EOLA2: variants seen among roughly 807,000 people sequenced by gnomAD.
EOLA2 encodes protein EOLA2.
In EOLA2, 3 loss-of-function variants were observed where a neutral mutation model predicts 4.1. That is an observed-to-expected ratio of 0.73 (90% CI 0.33 to 1.89). The LOEUF (loss-of-function observed/expected upper bound fraction) is 1.89. Ranked by LOEUF, EOLA2 falls within the 40% of genes most tolerant of loss-of-function variation. The pLI is 0.08. For missense variants in EOLA2, 109 were observed against 126.4 expected (o/e 0.86, Z 0.66); for synonymous variants, 52 against 51.7 (o/e 1.01, Z -0.03).
intron 1 of EOLA2, 183 bp downstream of exon 1, chrX:149,938,010 G>A (rs782397684): frequency 1.8e-5 from 2 of 113,002 alleles, no homozygotes; most frequent in Admixed American, 1.8e-4. Flanking sequence ...CGCAGGTCGC[G>A]GGTACACGCG....
At chrX:149,937,393 G>A in intron 2 of EOLA2, 40 bp downstream of exon 2, 5 of 565,370 alleles carry the variant, frequency 8.8e-6, no homozygotes, top group Non-Finnish European at 1.1e-5. Context: ...AAGGCAAGAA[G>A]GGGGTTGAGT....
chrX:149,932,424 C>A lies in EOLA2; in HGVS notation c.*120G>T. On this transcript the variant is annotated 3_prime_UTR_variant, in exon 5 of 5. Transcript: ENST00000370406. ...CACAGTGCTTAGTGGGTGGGACTCT[C>A]CAAAGCAGTGGAAATTCATCTTTAA... 1.7e-6 allele frequency: 2 copies of A among 1,144,220 alleles called. No homozygotes were observed. Among genetic ancestry groups the A allele is most frequent in the Non-Finnish European group, 2.3e-6 (2 of 860,502 alleles). 94.3% of individuals were successfully genotyped at this position (1,144,220 alleles called of 1,213,427 possible).
Position 149,932,391 on chromosome X carries a change from T to C in EOLA2, c.*153A>G. The C allele has an allele frequency of 9.2e-7, 1 of 1,086,561 alleles. No homozygotes were observed. Among genetic ancestry groups the C allele is most frequent in the Non-Finnish European group, 1.2e-6 (1 of 833,059 alleles). The allele number at this position is 1,086,561 out of a possible 1,213,427, so 89.5% of individuals were successfully genotyped here. On this transcript the variant is annotated 3_prime_UTR_variant, in exon 5 of 5. Coordinates refer to ENST00000370406, the MANE Select transcript of EOLA2 (RefSeq NM_001013845.2). ...TCCTTCATCTGAGCAAAGGAACCTGTTTACATGCACAGTGCTTAGTGGGTG... is the reference window on the plus strand; with the variant it reads ...TCCTTCATCTGAGCAAAGGAACCTGCTTACATGCACAGTGCTTAGTGGGTG...
chrX:149,937,220 T>TC (rs2091019369), intron 2 of EOLA2, among the ~76,000 whole-genome samples: 1 of 112,146 alleles, frequency 8.9e-6, no homozygotes, highest in Non-Finnish European at 1.9e-5. Context: ...AGGCTGAATG[T>TC]CCCCCACAGG....
chrX:149,931,273 C>T (rs2090869759), downstream of EOLA2: 1 of 365,108 alleles, frequency 2.7e-6, no homozygotes, highest in African/African-American at 2.7e-5. Context: ...AAATAATAAA[C>T]AATTTAAATG....
At chrX:149,934,740 G>A (rs1557375530) in intron 2 of EOLA2, among the ~76,000 whole-genome samples, 1 of 112,388 alleles carries the variant, frequency 8.9e-6, no homozygotes, top group Admixed American at 9.3e-5. Context: ...AGGAGAATGA[G>A]GCACCAGCCC....
At position 149,938,186 on chromosome X, in the gene EOLA2, C is replaced by T. The variant is rs2091050817; in HGVS notation, c.-211+7G>A. On this transcript the variant is annotated splice_region_variant and intron_variant, in intron 1 of 4. Transcript: ENST00000370406. ...CACACGGGCTCCGGCATCAGGGGCC[C>T]TGGTACCTTTCAGCCGCGGCCGGTC... 1 of 113,427 alleles carries T rather than the reference C, an allele frequency of 8.8e-6. No homozygotes were observed. The allele number at this position is 113,427 out of a possible 1,213,427, so 9.3% of individuals were successfully genotyped here. A position where few individuals can be genotyped will look rare whatever the true frequency, so the allele number is the denominator to read the frequency against.
rs1359511710 is a variant in EOLA2, at chrX:149,934,059, A to G, written c.-84T>C. The G allele has an allele frequency of 2.7e-5, 29 of 1,084,921 alleles. No homozygotes were observed. The East Asian group carries it at 5.0e-4, about 19-fold the overall frequency. The allele number at this position is 1,084,921 out of a possible 1,213,427, so 89.4% of individuals were successfully genotyped here. ...TGATGTCGAGCACCACAGCAGGCCC[A>G]AGGGAAGGGGCTAGGATTCGGCTGA... is the stretch of plus-strand genomic sequence containing the variant. On this transcript the variant is annotated 5_prime_UTR_variant, in exon 3 of 5. Coordinates refer to ENST00000370406, the MANE Select transcript of EOLA2 (RefSeq NM_001013845.2).
chrX:149,936,093 T>C, intron 2 of EOLA2, among the ~76,000 whole-genome samples: 1 of 103,717 alleles, frequency 9.6e-6, no homozygotes. Flanking sequence ...ATTATGTCAC[T>C]CCTCTACTGA....
chrX:149,937,790 C>A (rs1250191424), intron 1 of EOLA2, among the ~76,000 whole-genome samples: 1 of 112,861 alleles, frequency 8.9e-6, no homozygotes, highest in Non-Finnish European at 1.9e-5. Context: ...ACTTCCCCTC[C>A]CATTGTCATC....
rs1405286249 is a variant in EOLA2 at position 149,938,491 on chromosome X, C to T, written c.-509G>A. 8.9e-6 allele frequency: 1 copy of T among 112,669 alleles called. No individual in the cohort carries two copies. Among genetic ancestry groups the T allele is most frequent in the Non-Finnish European group, 1.9e-5 (1 of 53,258 alleles). The allele number at this position is 112,669 out of a possible 1,213,427, so 9.3% of individuals were successfully genotyped here. On this transcript the variant is annotated 5_prime_UTR_variant, in exon 1 of 5. Coordinates refer to ENST00000370406, the MANE Select transcript of EOLA2 (RefSeq NM_001013845.2). ...CCCTTTCATGAGGAACGTACGTGTG[C>T]GCGTAATCACGCACGTACGTACACC...
downstream of EOLA2, among the ~76,000 whole-genome samples, chrX:149,931,800 TCAC>T (rs1409381688): frequency 1.1e-4 from 4 of 35,122 alleles, no homozygotes; most frequent in East Asian, 3.4e-3. Flanking sequence ...CTTTGCTAAA[TCAC>T]CAAAAAAAAA....
chrX:149,932,708 C>A lies in EOLA2; in HGVS notation c.313G>T (p.Val105Leu). ...CPEDLTPDEV[V>L]ELENQAALTN... Reference sequence around the variant, plus strand: ...AGTGCAGCTTGATTTTCTAGTTCCACAACCTCATCGGGAGTTAAGTCTTCG... The same window carrying A: ...AGTGCAGCTTGATTTTCTAGTTCCAAAACCTCATCGGGAGTTAAGTCTTCG... Residue 105 changes from valine (V) to leucine (L), a missense_variant, in exon 5 of 5, where the codon GTG becomes TTG. Transcript: ENST00000370406. The A allele has an allele frequency of 8.3e-7, 1 of 1,207,955 alleles. No individual in the cohort carries two copies. Among genetic ancestry groups the A allele is most frequent in the Non-Finnish European group, 1.1e-6 (1 of 894,265 alleles).
chrX:149,937,812 TG>T (rs1371131249), intron 1 of EOLA2, among the ~76,000 whole-genome samples: 1 of 112,457 alleles, frequency 8.9e-6, no homozygotes, highest in Admixed American at 9.3e-5. Context: ...GACGAGGGTT[TG>T]GGGGGCCTAA....
intron 1 of EOLA2, among the ~76,000 whole-genome samples, chrX:149,937,832 G>C (rs1301057564): frequency 2.7e-5 from 3 of 112,920 alleles, no homozygotes; most frequent in African/African-American, 9.7e-5. Flanking sequence ...AAATCCCATT[G>C]TCCACTGCTT....
Position 149,933,637 on chromosome X carries a change from G to A in EOLA2, c.238C>T (p.Arg80Ter), listed in dbSNP as rs369727000. 45 of 1,203,322 alleles carry A rather than the reference G, an allele frequency of 3.7e-5. 1 individual carries two copies. Among genetic ancestry groups the A allele is most frequent in the African/African-American group, 3.7e-4 (20 of 54,123 alleles). The change falls in exon 4 of 5, where the codon CGA (arginine) becomes TGA (stop). Residue 80 changes from arginine (R) to a stop codon, truncating the protein, a stop_gained. Transcript: ENST00000370406. LOFTEE classifies it low-confidence loss of function (END_TRUNC). ...TGTCACTTACCCGCTATCACTCCTCGACCAAACTTTTCCCCTTTCCTGAGC... is the reference window on the plus strand; with the variant it reads ...TGTCACTTACCCGCTATCACTCCTCAACCAAACTTTTCCCCTTTCCTGAGC... Reference protein sequence around the residue: ...ALLRKGEKFGRGVIAGLVDIG... With the variant: ...ALLRKGEKFG
In EOLA2 at chrX:149,932,723, T is replaced by C; in HGVS notation, c.298A>G (p.Thr100Ala). The change falls in exon 5 of 5, where the codon ACT becomes GCT. Residue 100 changes from threonine (T) to alanine (A), a missense_variant. Physicochemically the swap from Thr to Ala is moderately conservative, Grantham distance 58 (BLOSUM62 0). Transcript: ENST00000370406. The part of the protein sequence containing the change: ...GETLQCPEDL[T>A]PDEVVELENQ... Reference sequence around the variant, plus strand: ...TCTAGTTCCACAACCTCATCGGGAGTTAAGTCTTCGGGGCATTGCAAAGTT... The same window carrying C: ...TCTAGTTCCACAACCTCATCGGGAGCTAAGTCTTCGGGGCATTGCAAAGTT... 1 of 1,206,422 alleles carries C rather than the reference T, an allele frequency of 8.3e-7. No homozygotes were observed. The highest frequency in any genetic ancestry group is 1.1e-6 in the Non-Finnish European group (1 of 893,824).
intron 2 of EOLA2, among the ~76,000 whole-genome samples, chrX:149,934,738 G>C (rs1235272680): frequency 8.9e-6 from 1 of 112,432 alleles, no homozygotes; most frequent in Non-Finnish European, 1.9e-5. Context: ...TGAGGAGAAT[G>C]AGGCACCAGC....
chrX:149,934,902 T>C (rs1318485475), intron 2 of EOLA2, among the ~76,000 whole-genome samples: 2 of 112,217 alleles, frequency 1.8e-5, no homozygotes, highest in African/African-American at 3.2e-5. Flanking sequence ...AGTCATAGAC[T>C]CTTGAGATGC....
Sources: allele counts gnomAD v4.1 joint callset (sites outside exome capture counted in the v4.1 genomes callset), GRCh38; gene constraint gnomAD v4.1.1; transcripts MANE v1.5; gene names NCBI Gene and HGNC (gene_info 2026-07-23, HGNC 2026-07-21).